TRAPPC9: variants seen among roughly 807,000 people sequenced by gnomAD.
TRAPPC9 encodes IKK2 binding protein.
TRAPPC9 carries 83 observed loss-of-function variants against 124.0 expected under a neutral mutation model. The ratio of observed to expected loss-of-function variants is 0.67; its 90% CI spans 0.56 to 0.80. TRAPPC9 has a LOEUF of 0.80. Among genes scored for constraint, TRAPPC9 ranks in the 30% least tolerant of loss-of-function variants. The pLI is 0.00. For synonymous variants in TRAPPC9, 638 were observed against 617.5 expected (o/e 1.03, Z -0.49); for missense variants, 1,302 against 1,508.3 (o/e 0.86, Z 2.27).
intron 21 of TRAPPC9, among the ~76,000 whole-genome samples, chr8:139,763,923 G>A (rs1298050297): frequency 6.6e-6 from 1 of 152,226 alleles, no homozygotes; most frequent in Non-Finnish European, 1.5e-5. Context: ...GGACACCGAG[G>A]AGGACTAGGA....
At chr8:140,059,562 T>C (rs1344234315) in intron 17 of TRAPPC9, among the ~76,000 whole-genome samples, 1 of 152,226 alleles carries the variant, frequency 6.6e-6, no homozygotes, top group East Asian at 1.9e-4. Flanking sequence ...TTGTACACTG[T>C]CACCAGCAGT....
At chr8:140,302,306 C>T (rs554590222) in intron 10 of TRAPPC9, among the ~76,000 whole-genome samples, 44 of 152,350 alleles carry the variant, frequency 2.9e-4, no homozygotes, top group Admixed American at 1.6e-3. Flanking sequence ...TGCTCCCCAG[C>T]TCCCTTCGCT....
intron 21 of TRAPPC9, among the ~76,000 whole-genome samples, chr8:139,780,767 T>G (rs1821761226): frequency 6.6e-6 from 1 of 150,952 alleles, no homozygotes; most frequent in Non-Finnish European, 1.5e-5. Context: ...ATTCAAAGAT[T>G]TATTTGGCAA....
chr8:139,899,120 C>CAAA (rs33927933), intron 20 of TRAPPC9, among the ~76,000 whole-genome samples: 468 of 44,960 alleles, frequency 0.01, 6 homozygotes, highest in Middle Eastern at 0.016. Context: ...AACTCCGTCT[C>CAAA]AAAAAAAAAA....
chr8:140,435,865 T>C (rs553096885), intron 3 of TRAPPC9, among the ~76,000 whole-genome samples: 39 of 152,318 alleles, frequency 2.6e-4, no homozygotes, highest in Admixed American at 1.6e-3. Flanking sequence ...TGCCACAGTA[T>C]TCATCTCTAT....
chr8:140,391,065 G>A (rs1394642210), intron 7 of TRAPPC9, among the ~76,000 whole-genome samples: 2 of 152,106 alleles, frequency 1.3e-5, no homozygotes, highest in African/African-American at 2.4e-5. Context: ...CTTTTCCTGG[G>A]TTTCCTTAGC....
intron 19 of TRAPPC9, among the ~76,000 whole-genome samples, chr8:139,964,154 G>A (rs1835537950): frequency 6.6e-6 from 1 of 151,080 alleles, no homozygotes. Context: ...AACCTGGCAG[G>A]TGGAGCTTGC....
intron 16 of TRAPPC9, among the ~76,000 whole-genome samples, chr8:140,250,960 C>T (rs2064118156): frequency 6.6e-6 from 1 of 152,114 alleles, no homozygotes; most frequent in Admixed American, 6.5e-5. Flanking sequence ...TTCTCTCTGA[C>T]CTTAGAAGGG....
intron 9 of TRAPPC9, among the ~76,000 whole-genome samples, chr8:140,348,487 G>A (rs1401863620): frequency 6.6e-6 from 1 of 152,038 alleles, no homozygotes; most frequent in African/African-American, 2.4e-5. Context: ...CGCTCAAAAA[G>A]GCTGACCCAG....
chr8:140,159,670 A>G (rs978530203), intron 17 of TRAPPC9, among the ~76,000 whole-genome samples: 1 of 152,230 alleles, frequency 6.6e-6, no homozygotes, highest in South Asian at 2.1e-4. Context: ...CGAGCATTAC[A>G]TGTAAAAGAG....
chr8:139,876,468 C>T (rs571303597), intron 21 of TRAPPC9, among the ~76,000 whole-genome samples: 1 of 152,310 alleles, frequency 6.6e-6, no homozygotes, highest in South Asian at 2.1e-4. Context: ...GTCTGTCTCT[C>T]GCCTCTGCTT....
intron 17 of TRAPPC9, among the ~76,000 whole-genome samples, chr8:140,211,696 T>G (rs1348037766): frequency 6.6e-6 from 1 of 152,250 alleles, no homozygotes; most frequent in Non-Finnish European, 1.5e-5. Flanking sequence ...TAAGCTTTAT[T>G]CTGATCGAAT....
intron 17 of TRAPPC9, among the ~76,000 whole-genome samples, chr8:140,184,558 C>T (rs2062308474): frequency 6.6e-6 from 1 of 152,148 alleles, no homozygotes; most frequent in Admixed American, 6.5e-5. Flanking sequence ...GCCTCAGCCT[C>T]CCGAACAGCT....
intron 4 of TRAPPC9, among the ~76,000 whole-genome samples, chr8:140,433,699 TTCTCA>T (rs1364895147): frequency 6.6e-6 from 1 of 152,226 alleles, no homozygotes; most frequent in Non-Finnish European, 1.5e-5. Context: ...GTTTTTACTT[TTCTCA>T]TCTATTACAG....
intron 21 of TRAPPC9, among the ~76,000 whole-genome samples, chr8:139,772,907 C>T (rs1477702202): frequency 6.6e-6 from 1 of 152,236 alleles, no homozygotes; most frequent in African/African-American, 2.4e-5. Context: ...GGAGTGAGGC[C>T]TCAGAAGAAA....
At chr8:139,746,083 CTGCCATCCACAGTGCCCCT>C (rs1252126662) in intron 21 of TRAPPC9, among the ~76,000 whole-genome samples, 1 of 152,250 alleles carries the variant, frequency 6.6e-6, no homozygotes, top group Non-Finnish European at 1.5e-5. Context: ...GTGGCATCTG[CTGCCATCCACAGTGCCCCT>C]TGCCCTCTGT....
chr8:139,982,764 A>T (rs1457824036), intron 19 of TRAPPC9, among the ~76,000 whole-genome samples: 1 of 152,246 alleles, frequency 6.6e-6, no homozygotes, highest in Non-Finnish European at 1.5e-5. Flanking sequence ...TCAGTATTCC[A>T]TTGTAAAGTA....
chr8:139,813,457 C>A (rs1034429338), intron 21 of TRAPPC9, among the ~76,000 whole-genome samples: 1 of 152,214 alleles, frequency 6.6e-6, no homozygotes, highest in Non-Finnish European at 1.5e-5. Context: ...TCCTCTAGAA[C>A]GATGGCAGAT....
At chr8:139,911,797 T>C (rs1831750325) in intron 19 of TRAPPC9, among the ~76,000 whole-genome samples, 1 of 151,938 alleles carries the variant, frequency 6.6e-6, no homozygotes, top group Non-Finnish European at 1.5e-5. Flanking sequence ...CTAATTGGCC[T>C]CTGTGGCTAT....
Sources: gnomAD v4.1 joint callset for allele counts (sites outside exome capture counted in the v4.1 genomes callset) on GRCh38, gnomAD v4.1.1 for gene constraint, MANE v1.5 for transcripts, NCBI Gene and HGNC (gene_info 2026-07-23, HGNC 2026-07-21) for gene names.